Variants in PROKR2 observed in about 807,000 individuals in gnomAD.
PROKR2 encodes the protein prokineticin receptor 2.
In PROKR2, 26 loss-of-function variants were observed where a neutral mutation model predicts 23.4. The observed-to-expected ratio is 1.11, with a 90% CI of 0.81 to 1.54. The LOEUF (loss-of-function observed/expected upper bound fraction) is 1.54. Ranked by LOEUF, PROKR2 falls within the 40% of genes most tolerant of loss-of-function variation. The pLI is 0.00. For synonymous variants in PROKR2, 212 were observed against 201.2 expected, an observed-to-expected ratio of 1.05 and a Z score of -0.45; for missense variants, 453 against 511.5, an observed-to-expected ratio of 0.89 and a Z score of 1.10.
At chr20:5,314,530 A>G (rs959564032) in intron 1 of PROKR2, among the ~76,000 whole-genome samples, 153 bp from the exon 2 acceptor site, 1 of 152,198 alleles carries the variant, frequency 6.6e-6, no homozygotes, top group Non-Finnish European at 1.5e-5. Context: ...AGTGGGCAAC[A>G]TGCAGGAGAA....
chr20:5,308,194 C>CG, intron 2 of PROKR2, among the ~76,000 whole-genome samples: 1 of 98,240 alleles, frequency 1.0e-5, no homozygotes, highest in East Asian at 3.0e-4. Flanking sequence ...GGGAACAGGC[C>CG]CCCCCCCCTC....
Position 5,316,501 on chromosome 20 carries a change from G to C in PROKR2, c.-16C>G. 2.6e-6 allele frequency: 1 copy of C among 378,624 alleles called. No homozygotes were observed. The highest frequency in any genetic ancestry group is 2.1e-5 in the African/African-American group (1 of 47,764). The allele number at this position is 378,624 out of a possible 1,614,324, so 23.5% of individuals were successfully genotyped here. A position where few individuals can be genotyped will look rare whatever the true frequency, so the allele number is the denominator to read the frequency against. On this transcript the variant is annotated 5_prime_UTR_variant, in exon 1 of 3. Transcript: ENST00000678254. The surrounding 1 kb of genome is among the most constrained non-coding windows in gnomAD (Gnocchi z 5.0). ...AGGGATCTAAGCCCTTACCTGTCTCGGCGCCTCCTTTCTGTGCGCTCTGCT... is the reference window on the plus strand; with the variant it reads ...AGGGATCTAAGCCCTTACCTGTCTCCGCGCCTCCTTTCTGTGCGCTCTGCT...
Position 5,301,931 on chromosome 20 carries a change from G to A in PROKR2, c.*109C>T, listed in dbSNP as rs567920277. On this transcript the variant is annotated 3_prime_UTR_variant, in exon 3 of 3. Transcript: ENST00000678254. ...AGCATTCAGCTTCTTGAGGGCACGGGGGAGGCATGAACACAGATGTCATTT... is the reference window on the plus strand; with the variant it reads ...AGCATTCAGCTTCTTGAGGGCACGGAGGAGGCATGAACACAGATGTCATTT... The A allele has an allele frequency of 3.0e-6, 3 of 993,068 alleles. No homozygotes were observed. Among genetic ancestry groups the A allele is most frequent in the Non-Finnish European group, 4.5e-6 (3 of 664,702 alleles). The allele number at this position is 993,068 out of a possible 1,614,324, so 61.5% of individuals were successfully genotyped here.
rs1415204683 is a variant in PROKR2, at chr20:5,302,626, T to C, written c.569A>G (p.Tyr190Cys). ...VSILIAIPSAYFATETVLFIV... is the reference protein window; with the variant it reads ...VSILIAIPSACFATETVLFIV... Reference sequence around the variant, plus strand: ...AAAGAGGACCGTTTCTGTTGCAAAGTAAGCCGATGGGATGGCAATGAGAAT... The same window carrying C: ...AAAGAGGACCGTTTCTGTTGCAAAGCAAGCCGATGGGATGGCAATGAGAAT... Residue 190 changes from tyrosine to cysteine, a missense_variant, in exon 3 of 3, where the codon TAC becomes TGC. Tyr to Cys is a radical substitution (Grantham distance 194). Coordinates refer to ENST00000678254, the MANE Select transcript of PROKR2 (RefSeq NM_144773.4). 1 of 1,614,030 alleles carries C rather than the reference T, an allele frequency of 6.2e-7. No homozygotes were observed. The highest frequency in any genetic ancestry group is 8.5e-7 in the Non-Finnish European group (1 of 1,180,024).
rs1283278273 is a variant in PROKR2 at position 5,300,296 on chromosome 20, A to T, written c.*1744T>A. The stretch of plus-strand genomic sequence containing the variant: ...CACTTCTAAGACCGCAGGGATGCTG[A>T]GAGTCTTGGGGTCACTGAGAATCTG... On this transcript the variant is annotated 3_prime_UTR_variant, in exon 3 of 3. Coordinates refer to ENST00000678254, the MANE Select transcript of PROKR2 (RefSeq NM_144773.4). 6.6e-6 allele frequency among the ~76,000 whole-genome samples: 1 copy of T among 152,258 alleles called. No homozygotes were observed. The highest frequency in any genetic ancestry group is 2.4e-5 in the African/African-American group (1 of 41,470).
At chr20:5,304,388 T>A (rs1325097636) in intron 2 of PROKR2, among the ~76,000 whole-genome samples, 8 of 152,226 alleles carry the variant, frequency 5.3e-5, no homozygotes, top group African/African-American at 1.9e-4. Flanking sequence ...TGTTAAAGAA[T>A]GCTGCTCTTT....
chr20:5,316,136 A>G lies in PROKR2; in HGVS notation c.-9+358T>C, dbSNP rs544390742. The G allele has an allele frequency of 5.9e-5, 27 of 456,596 alleles. No individual in the cohort carries two copies. The highest frequency in any genetic ancestry group is 4.8e-4 in the African/African-American group (24 of 50,192). The allele number at this position is 456,596 out of a possible 1,614,324, so 28.3% of individuals were successfully genotyped here. On this transcript the variant is annotated intron_variant, in intron 1 of 2. Transcript: ENST00000678254. The surrounding 1 kb of genome is among the most constrained non-coding windows in gnomAD (Gnocchi z 5.0). Reference sequence around the variant, plus strand: ...TGGGTGGAGGATGCGGTGCGCGGGAATTTCCCCACGGACGCTTGCTGTTTC... The same window carrying G: ...TGGGTGGAGGATGCGGTGCGCGGGAGTTTCCCCACGGACGCTTGCTGTTTC...
rs1299128047 is a variant in PROKR2 at position 5,301,247 on chromosome 20, TC to T, written c.*792del. ...TTTGTTGTTTGTTTGTTTGTTTTTTTCCTGAGACAGAGTCTCACTCTGTCAC... is the reference window on the plus strand; with the variant it reads ...TTTGTTGTTTGTTTGTTTGTTTTTTTCTGAGACAGAGTCTCACTCTGTCAC... On this transcript the variant is annotated 3_prime_UTR_variant, in exon 3 of 3. Transcript: ENST00000678254. 1.3e-5 allele frequency among the ~76,000 whole-genome samples: 2 copies of T among 152,178 alleles called. No individual in the cohort carries two copies. The highest frequency in any genetic ancestry group is 2.9e-5 in the Non-Finnish European group (2 of 68,024).
At chr20:5,312,632 C>A (rs1979485167) in intron 2 of PROKR2, among the ~76,000 whole-genome samples, 1 of 151,980 alleles carries the variant, frequency 6.6e-6, no homozygotes. Context: ...ATTAAACTGG[C>A]TGAATAAAGA....
At chr20:5,310,690 G>T (rs12106208) in intron 2 of PROKR2, among the ~76,000 whole-genome samples, 76,355 of 150,478 alleles carry the variant, frequency 0.51, 19,762 homozygotes, top group African/African-American at 0.61. Context: ...TCTCTGTAGA[G>T]CTGTGATCTA....
chr20:5,315,815 G>A (rs1364400027), intron 1 of PROKR2: 1 of 456,348 alleles, frequency 2.2e-6, no homozygotes, highest in African/African-American at 2.0e-5. Context: ...AATCCCCGCA[G>A]CCTCTGCTCA....
At chr20:5,303,911 G>C (rs959218352) in intron 2 of PROKR2, among the ~76,000 whole-genome samples, 1 of 152,078 alleles carries the variant, frequency 6.6e-6, no homozygotes, top group Non-Finnish European at 1.5e-5. Flanking sequence ...ACAAGTGTGG[G>C]CTCTGGTTCG....
chr20:5,314,141 C>T lies in PROKR2; in HGVS notation c.229G>A (p.Ala77Thr), dbSNP rs1468315090. The T allele has an allele frequency of 2.5e-6, 4 of 1,614,028 alleles. No individual in the cohort carries two copies. The highest frequency in any genetic ancestry group is 3.4e-6 in the Non-Finnish European group (4 of 1,180,014). Residue 77 changes from alanine to threonine, a missense_variant, in exon 2 of 3, where the codon GCC becomes ACC. By Grantham distance (58) the Ala-to-Thr change is moderately conservative (BLOSUM62 0). Coordinates refer to ENST00000678254, the MANE Select transcript of PROKR2 (RefSeq NM_144773.4). ...CGIGNFVFIAALTRYKKLRNL... is the reference protein window; with the variant it reads ...CGIGNFVFIATLTRYKKLRNL... Reference sequence around the variant, plus strand: ...CGCAACTTCTTATAGCGGGTGAGGGCAGCGATAAAGACAAAGTTACCGATG... The same window carrying T: ...CGCAACTTCTTATAGCGGGTGAGGGTAGCGATAAAGACAAAGTTACCGATG...
chr20:5,315,906 G>C (rs1433252641), intron 1 of PROKR2: 1 of 456,260 alleles, frequency 2.2e-6, no homozygotes, highest in Non-Finnish European at 4.4e-6. Context: ...GCGCGCCCGG[G>C]CTGGGACAGG....
chr20:5,310,232 T>C (rs1600585158), intron 2 of PROKR2, among the ~76,000 whole-genome samples: 1 of 152,208 alleles, frequency 6.6e-6, no homozygotes, highest in East Asian at 1.9e-4. Flanking sequence ...TGTTTTCATC[T>C]GTCTGCTTGG....
intron 2 of PROKR2, 79 bp from the exon 3 acceptor site, chr20:5,302,815 T>G (rs1979063005): frequency 9.5e-7 from 1 of 1,050,660 alleles, no homozygotes; most frequent in Admixed American, 1.8e-5. Flanking sequence ...AAACATACAC[T>G]AAAGCAGTGG....
At chr20:5,304,033 G>A (rs1308839163) in intron 2 of PROKR2, among the ~76,000 whole-genome samples, 1 of 152,168 alleles carries the variant, frequency 6.6e-6, no homozygotes, top group Non-Finnish European at 1.5e-5. Flanking sequence ...AAGCGGCAAA[G>A]GAGGGAGAGG....
chr20:5,316,866 C>T lies in PROKR2; in HGVS notation c.-381G>A, dbSNP rs1331220105. Among the ~76,000 whole-genome samples the T allele has an allele frequency of 6.6e-6, 1 of 152,268 alleles. No individual in the cohort carries two copies. The highest frequency in any genetic ancestry group is 1.5e-5 in the Non-Finnish European group (1 of 68,048). ...CTCTCGGGCTGGTGCGTCCAGGGCGCGGGCACCGTAGCTCCGGCCGCGCTG... is the reference window on the plus strand; with the variant it reads ...CTCTCGGGCTGGTGCGTCCAGGGCGTGGGCACCGTAGCTCCGGCCGCGCTG... On this transcript the variant is annotated 5_prime_UTR_variant, in exon 1 of 3. Transcript: ENST00000678254. The surrounding 1 kb of genome is among the most constrained non-coding windows in gnomAD (Gnocchi z 5.0).
intron 2 of PROKR2, among the ~76,000 whole-genome samples, chr20:5,309,430 G>A (rs1353458660): frequency 1.6e-4 from 24 of 152,118 alleles, no homozygotes; most frequent in Admixed American, 1.2e-3. Flanking sequence ...CAGGGCTGAT[G>A]ACTTTTTCCC....
Sources: gnomAD v4.1 joint callset for allele counts (sites outside exome capture counted in the v4.1 genomes callset) on GRCh38, gnomAD v4.1.1 for gene constraint, Gnocchi (gnomAD v3.1) non-coding constraint, MANE v1.5 for transcripts, NCBI Gene and HGNC (gene_info 2026-07-23, HGNC 2026-07-21) for gene names.